The following C19orf38 variants were observed in gnomAD, a reference collection of about 807,000 sequenced individuals.
The protein encoded by C19orf38 is chromosome 19 open reading frame 38, also known as protein HIDE1.
In C19orf38, 14 loss-of-function variants were observed where a neutral mutation model predicts 26.6. The observed-to-expected ratio is 0.53, with a 90% confidence interval of 0.35 to 0.82. The LOEUF (loss-of-function observed/expected upper bound fraction) is 0.82, where lower values mean the gene tolerates loss of function less well. Among genes scored for constraint, C19orf38 ranks in the 40% least tolerant of loss-of-function variants. The pLI, the probability that C19orf38 is intolerant of heterozygous loss-of-function variation, is 0.01. For synonymous variants in C19orf38, 132 were observed against 128.5 expected (o/e 1.03, Z -0.18); for missense variants, 261 against 299.5 (o/e 0.87, Z 0.95).
chr19:10,857,565 C>T (rs1250112787), intron 3 of C19orf38, among the ~76,000 whole-genome samples: 1 of 150,390 alleles, frequency 6.6e-6, no homozygotes, highest in Non-Finnish European at 1.5e-5. Context: ...AGGTGCGTGC[C>T]ACCACACCCA....
chr19:10,861,814 G>A (rs554407678), intron 5 of C19orf38, among the ~76,000 whole-genome samples: 1 of 152,124 alleles, frequency 6.6e-6, no homozygotes, highest in South Asian at 2.1e-4. Context: ...ATGACCTCAG[G>A]TGATCCACCC....
At chr19:10,846,222 A>G (rs1331254366), upstream of C19orf38, among the ~76,000 whole-genome samples, 1 of 151,298 alleles carries the variant, frequency 6.6e-6, no homozygotes, top group African/African-American at 2.4e-5. Context: ...TTTGAGACAG[A>G]GTCTCGCTCT....
chr19:10,862,148 C>A (rs1192345239), intron 5 of C19orf38, among the ~76,000 whole-genome samples: 3 of 151,278 alleles, frequency 2.0e-5, no homozygotes, highest in African/African-American at 7.3e-5. Flanking sequence ...GATCTGCCCG[C>A]CTCAGCCTCC....
chr19:10,859,877 C>A (rs1400626122), intron 4 of C19orf38, 38 bp from the exon 5 acceptor site: 11 of 1,545,462 alleles, frequency 7.1e-6, no homozygotes, highest in Non-Finnish European at 9.6e-6. Context: ...CAAGGGGCAA[C>A]CCTGATCCCT....
intron 6 of C19orf38, 63 bp downstream of exon 6, chr19:10,863,270 G>T: frequency 6.7e-7 from 1 of 1,503,504 alleles, no homozygotes; most frequent in Non-Finnish European, 9.1e-7. Flanking sequence ...GAACGGGGCG[G>T]GCTCAAGGGG....
intron 6 of C19orf38, among the ~76,000 whole-genome samples, chr19:10,867,036 C>T (rs185287442): frequency 2.6e-5 from 4 of 151,356 alleles, no homozygotes; most frequent in East Asian, 2.0e-4. Context: ...GTGATCTGCC[C>T]GCCTCGGCCT....
chr19:10,845,612 G>T (rs1264895720), upstream of C19orf38, among the ~76,000 whole-genome samples: 1 of 152,212 alleles, frequency 6.6e-6, no homozygotes, highest in East Asian at 1.9e-4. Flanking sequence ...GGGTGCGGTG[G>T]CTCACGCCTG....
chr19:10,864,240 A>C (rs2073730533), intron 6 of C19orf38, among the ~76,000 whole-genome samples: 1 of 152,002 alleles, frequency 6.6e-6, no homozygotes, highest in African/African-American at 2.4e-5. Context: ...TTGTATTTTT[A>C]GTAGAGACGG....
At chr19:10,864,894 A>T (rs1182995833) in intron 6 of C19orf38, among the ~76,000 whole-genome samples, 1 of 152,038 alleles carries the variant, frequency 6.6e-6, no homozygotes, top group East Asian at 1.9e-4. Flanking sequence ...GCAGATGGAG[A>T]GGGGAGTCTA....
chr19:10,868,757 C>G (rs925787852), intron 6 of C19orf38, among the ~76,000 whole-genome samples: 1 of 152,200 alleles, frequency 6.6e-6, no homozygotes, highest in Non-Finnish European at 1.5e-5. Context: ...CCACCCACCT[C>G]GGTCTCCCAA....
Position 10,869,385 on chromosome 19 carries a change from C to CAGAAT in C19orf38, c.*18_*19insAGAAT. 1 of 1,540,812 alleles carries CAGAAT rather than the reference C, an allele frequency of 6.5e-7. No homozygotes were observed. The highest frequency in any genetic ancestry group is 8.8e-7 in the Non-Finnish European group (1 of 1,142,204). On this transcript the variant is annotated 3_prime_UTR_variant, in exon 7 of 7. Coordinates refer to ENST00000397820, the MANE Select transcript of C19orf38 (RefSeq NM_001136482.3). ...GCCAGTGAGGCTGAGGACTGGGGGA[C>CAGAAT]CCCTCTGTCTCCAGGCATTCGGGGG...
At chr19:10,860,012 GC>G (rs2073680242) in intron 5 of C19orf38, 54 bp downstream of exon 5, 1 of 1,493,132 alleles carries the variant, frequency 6.7e-7, no homozygotes, top group East Asian at 2.5e-5. Context: ...ACCTCCAAAT[GC>G]CATCAGGCCT....
At chr19:10,842,856 G>C (rs1450315838) in intron 1 of C19orf38, among the ~76,000 whole-genome samples, 3 of 152,216 alleles carry the variant, frequency 2.0e-5, no homozygotes, top group African/African-American at 7.2e-5. Flanking sequence ...CCACCCGCAA[G>C]GGCATGACAC....
intron 1 of C19orf38, among the ~76,000 whole-genome samples, chr19:10,849,832 G>C (rs1443472736): frequency 6.6e-6 from 1 of 152,008 alleles, no homozygotes; most frequent in Non-Finnish European, 1.5e-5. Context: ...GGGAGGCCGA[G>C]GTGGGGGGAG....
In C19orf38 at chr19:10,858,328, A is replaced by G. The variant is rs1836406886; in HGVS notation, c.446A>G (p.Asn149Ser). The G allele has an allele frequency of 6.5e-7, 1 of 1,549,452 alleles. No individual in the cohort carries two copies. Among genetic ancestry groups the G allele is most frequent in the African/African-American group, 1.4e-5 (1 of 72,904 alleles). ...TTTTTTGTTCCAGTTAAACTCAGAA[A>G]TTTACAGAAGAAAAGGTGAGATCAT... ...ALVVRKVKLR[N>S]LQKKRDRESC... The change falls in exon 4 of 7, where the codon AAT becomes AGT. Residue 149 changes from asparagine (N) to serine (S), a missense_variant. Coordinates refer to ENST00000397820, the MANE Select transcript of C19orf38 (RefSeq NM_001136482.3).
chr19:10,856,132 G>A, intron 2 of C19orf38, 133 bp from the exon 3 acceptor site: 1 of 655,776 alleles, frequency 1.5e-6, no homozygotes, highest in Admixed American at 2.5e-5. Context: ...CAGACACAAA[G>A]TTTGCTAAGT....
At chr19:10,858,226 T>G in intron 3 of C19orf38, 90 bp from the exon 4 acceptor site, 1 of 320,732 alleles carries the variant, frequency 3.1e-6, no homozygotes, top group Non-Finnish European at 4.6e-6. Flanking sequence ...AGACTCTGTC[T>G]AAAAAAAAAA....
chr19:10,841,149 A>G (rs1599653686), intron 1 of C19orf38, among the ~76,000 whole-genome samples: 1 of 152,074 alleles, frequency 6.6e-6, no homozygotes, highest in East Asian at 1.9e-4. Flanking sequence ...AACACATATT[A>G]TAGAGAGGAA....
chr19:10,854,363 C>T (rs2073603888), intron 2 of C19orf38, among the ~76,000 whole-genome samples: 1 of 152,024 alleles, frequency 6.6e-6, no homozygotes, highest in African/African-American at 2.4e-5. Flanking sequence ...CGCGCCTGGC[C>T]CAAAAAAACT....
Sources: gnomAD v4.1 joint callset for allele counts (sites outside exome capture counted in the v4.1 genomes callset) on GRCh38, gnomAD v4.1.1 for gene constraint, MANE v1.5 for transcripts, NCBI Gene and HGNC (gene_info 2026-07-23, HGNC 2026-07-21) for gene names.